CHGA: variants seen among roughly 807,000 people sequenced by gnomAD.
CHGA encodes the protein chromogranin A, also known as chromogranin-A.
CHGA carries 41 observed loss-of-function variants against 54.4 expected under a neutral mutation model. The ratio of observed to expected loss-of-function variants is 0.75; its 90% confidence interval spans 0.59 to 0.98. The LOEUF (loss-of-function observed/expected upper bound fraction) is 0.98. Among genes scored for constraint, CHGA ranks in the 50% least tolerant of loss-of-function variants. The pLI is 0.00. For synonymous variants in CHGA, 249 were observed against 232.8 expected (o/e 1.07, Z -0.63); for missense variants, 576 against 582.3 (o/e 0.99, Z 0.11).
In CHGA at chr14:92,923,272, C is replaced by T. The variant is rs1042317397; in HGVS notation, c.-88C>T. 14 of 1,199,062 alleles carry T rather than the reference C, an allele frequency of 1.2e-5. No homozygotes were observed. Among genetic ancestry groups the T allele is most frequent in the African/African-American group, 1.6e-5 (1 of 62,740 alleles). The allele number at this position is 1,199,062 out of a possible 1,614,324, so 74.3% of individuals were successfully genotyped here. The stretch of plus-strand genomic sequence containing the variant: ...AGCCCCGCGCCGGTGCCACCGCAGC[C>T]CGACCCCGGCCGCCAGTCCAGCCGC... On this transcript the variant is annotated 5_prime_UTR_variant, in exon 1 of 8. Coordinates refer to ENST00000216492, the MANE Select transcript of CHGA (RefSeq NM_001275.4).
chr14:92,927,499 T>C (rs772409061), intron 3 of CHGA, 51 bp from the exon 4 acceptor site: 1 of 1,442,600 alleles, frequency 6.9e-7, no homozygotes, highest in South Asian at 1.2e-5. Flanking sequence ...TGGTAATCTC[T>C]TTCTCGGCTG....
Position 92,934,970 on chromosome 14 carries a change from A to ACC in CHGA, c.*86_*87insCC. On this transcript the variant is annotated 3_prime_UTR_variant, in exon 8 of 8. Coordinates refer to ENST00000216492, the MANE Select transcript of CHGA (RefSeq NM_001275.4). ...GGCAGGTCCTGGCCAGATGGCCCGG[A>ACC]TGCTGCTTCCGGTAGGGAGGCAGCC... The ACC allele has an allele frequency of 8.0e-7, 1 of 1,248,238 alleles. No homozygotes were observed. Among genetic ancestry groups the ACC allele is most frequent in the Non-Finnish European group, 1.1e-6 (1 of 917,266 alleles). 77.3% of individuals were successfully genotyped at this position (1,248,238 alleles called of 1,614,324 possible).
chr14:92,932,552 C>T lies in CHGA; in HGVS notation c.991C>T (p.Arg331Trp), dbSNP rs532226129. The change falls in exon 7 of 8, where the codon CGG (arginine) becomes TGG (tryptophan). Residue 331 changes from arginine (R) to tryptophan (W), a missense_variant. Coordinates refer to ENST00000216492, the MANE Select transcript of CHGA (RefSeq NM_001275.4). This position sits in a 1 kb window ranked among gnomAD's most constrained non-coding sequence, Gnocchi z 5.3. The stretch of plus-strand genomic sequence containing the variant: ...CGGAGAGCTGGAGCAGGAGGAGGAG[C>T]GGCTCTCCAAGGAGTGGGAGGACTC... ...KSGELEQEEE[R>W]LSKEWEDSKR... is the part of the protein sequence containing the mutation. 4.2e-5 allele frequency: 65 copies of T among 1,555,468 alleles called. 1 individual carries two copies. The South Asian group carries it at 5.0e-4, about 12-fold the overall frequency.
chr14:92,927,701 C>G, intron 4 of CHGA, 83 bp downstream of exon 4: 2 of 1,108,528 alleles, frequency 1.8e-6, no homozygotes, highest in Non-Finnish European at 2.7e-6. Context: ...TCAGCAAGTT[C>G]CTCTCTGGGA....
intron 2 of CHGA, among the ~76,000 whole-genome samples, chr14:92,925,433 G>C (rs1183555959): frequency 6.6e-6 from 1 of 152,174 alleles, no homozygotes; most frequent in Admixed American, 6.5e-5. Flanking sequence ...AGACACCCTG[G>C]TCACCATATT....
chr14:92,932,464 GC>G lies in CHGA; in HGVS notation c.904del (p.Gln302ArgfsTer51). 1 of 1,558,094 alleles carries G rather than the reference GC, an allele frequency of 6.4e-7. No homozygotes were observed. Among genetic ancestry groups the G allele is most frequent in the Non-Finnish European group, 8.7e-7 (1 of 1,150,762 alleles). The part of the protein sequence containing the change: ...EGKGEQEHSQ[Q>X]KEEEEEMAVV... ...GGAAGGGAGAACAGGAGCACTCCCAGCAGAAAGAGGAGGAGGAGGAGATGGC... is the reference window on the plus strand; with the variant it reads ...GGAAGGGAGAACAGGAGCACTCCCAGAGAAAGAGGAGGAGGAGGAGATGGC... On this transcript the variant is annotated frameshift_variant, in exon 7 of 8. Transcript: ENST00000216492. LOFTEE classifies it high-confidence loss of function. The surrounding 1 kb of genome is among the most constrained non-coding windows in gnomAD (Gnocchi z 5.3).
intron 2 of CHGA, 95 bp from the exon 3 acceptor site, chr14:92,926,510 A>G: frequency 1.0e-6 from 1 of 981,336 alleles, no homozygotes; most frequent in South Asian, 1.3e-5. Flanking sequence ...AAAAGCAAAT[A>G]CCCTCTGTCC....
At chr14:92,929,965 A>C in intron 5 of CHGA, 150 bp downstream of exon 5, 1 of 667,726 alleles carries the variant, frequency 1.5e-6, no homozygotes, top group South Asian at 1.8e-5. Flanking sequence ...TGCTGCTCAG[A>C]GAGACTAGGT....
rs1191417410 is a variant in CHGA, at chr14:92,931,527, G to A, written c.633G>A (p.Val211=). The change falls in exon 6 of 8, where the codon GTG becomes GTA. Residue 211 remains valine (V), a synonymous_variant. Transcript: ENST00000216492. The stretch of plus-strand genomic sequence containing the variant: ...GTGAGGGCCTCTCTCAGGGTCTGGT[G>A]GACAGAGAGAAGGGCCTGAGTGCAG... The part of the protein sequence containing the change: ...GDSEGLSQGL[V]DREKGLSAEP... 1 of 1,612,864 alleles carries A rather than the reference G, an allele frequency of 6.2e-7. No homozygotes were observed. Among genetic ancestry groups the A allele is most frequent in the Non-Finnish European group, 8.5e-7 (1 of 1,179,770 alleles).
intron 7 of CHGA, chr14:92,933,096 T>C: frequency 2.0e-6 from 1 of 491,978 alleles, no homozygotes; most frequent in Non-Finnish European, 3.4e-6. Flanking sequence ...GGGGAGGCGC[T>C]GAGTGGGGAC....
Position 92,931,641 on chromosome 14 carries a change from C to A in CHGA, c.747C>A (p.Gly249=), listed in dbSNP as rs775876662. The part of the protein sequence containing the change: ...AGEEAVPEEE[G]PTVVLNPHPS... ...AGGAGGCTGTCCCCGAGGAAGAAGG[C>A]CCCACTGTAGTGCTGAACCCCCACC... Residue 249 remains glycine, a synonymous_variant, in exon 6 of 8, where the codon GGC becomes GGA. Coordinates refer to ENST00000216492, the MANE Select transcript of CHGA (RefSeq NM_001275.4). The A allele has an allele frequency of 3.1e-6, 5 of 1,609,964 alleles. No individual in the cohort carries two copies. In the South Asian group the frequency reaches 4.4e-5, roughly 14 times the overall value.
intron 4 of CHGA, among the ~76,000 whole-genome samples, chr14:92,928,335 A>G (rs1270975491): frequency 6.6e-6 from 1 of 152,208 alleles, no homozygotes; most frequent in African/African-American, 2.4e-5. Context: ...AGACCAGGCC[A>G]TGTGTGAGAA....
Position 92,926,640 on chromosome 14 carries a change from A to G in CHGA, c.129A>G (p.Thr43=). ...MKCIVEVISD[T]LSKPSPMPVS... is the part of the protein sequence containing the mutation. ...GCATCGTTGAGGTCATCTCCGACAC[A>G]CTTTCCAAGCCCAGCCCCATGCCTG... is the stretch of plus-strand genomic sequence containing the variant. The change falls in exon 3 of 8, where the codon ACA becomes ACG. Residue 43 remains threonine (T), a synonymous_variant. Transcript: ENST00000216492. The G allele has an allele frequency of 6.2e-7, 1 of 1,613,970 alleles. No individual in the cohort carries two copies. The highest frequency in any genetic ancestry group is 1.1e-5 in the South Asian group (1 of 91,078).
chr14:92,934,776 G>A (rs755193705), intron 7 of CHGA, 25 bp from the exon 8 acceptor site: 34 of 1,555,832 alleles, frequency 2.2e-5, no homozygotes, highest in African/African-American at 1.9e-4. Context: ...AGGCTGGCCC[G>A]AGTGAACCCC....
Position 92,928,467 on chromosome 14 carries a change from C to T in CHGA, c.256+849C>T, listed in dbSNP as rs139369794. ...ATGAGCCAGCCTGGGCAGCAAGCAC[C>T]CACCTCCTACTGTTGTTGGAGGGGG... On this transcript the variant is annotated intron_variant, in intron 4 of 7. Coordinates refer to ENST00000216492, the MANE Select transcript of CHGA (RefSeq NM_001275.4). Among the ~76,000 whole-genome samples, 475 of 152,284 alleles carry T rather than the reference C, an allele frequency of 3.1e-3. 3 individuals carry two copies. Among genetic ancestry groups the T allele is most frequent in the African/African-American group, 0.01 (435 of 41,552 alleles).
intron 4 of CHGA, among the ~76,000 whole-genome samples, chr14:92,928,387 T>G (rs1220516958): frequency 6.6e-6 from 1 of 152,138 alleles, no homozygotes; most frequent in East Asian, 1.9e-4. Context: ...CACAGCCACG[T>G]CAGTAGGATT....
chr14:92,926,416 G>C lies in CHGA; in HGVS notation c.94-189G>C, dbSNP rs1886886854. 4.9e-6 allele frequency: 3 copies of C among 608,212 alleles called. No homozygotes were observed. The South Asian group carries it at 5.7e-5, about 12-fold the overall frequency. 37.7% of individuals were successfully genotyped at this position (608,212 alleles called of 1,614,324 possible). On this transcript the variant is annotated intron_variant, in intron 2 of 7. Coordinates refer to ENST00000216492, the MANE Select transcript of CHGA (RefSeq NM_001275.4). ...GACACATGGTAAGCACTGTGTTAAG[G>C]GTTTTCTATTATCATTGCTATCACT... is the stretch of plus-strand genomic sequence containing the variant.
Position 92,931,428 on chromosome 14 carries a change from G to A in CHGA, c.534G>A (p.Glu178=). The A allele has an allele frequency of 6.2e-7, 1 of 1,609,526 alleles. No individual in the cohort carries two copies. Among genetic ancestry groups the A allele is most frequent in the Non-Finnish European group, 8.5e-7 (1 of 1,178,432 alleles). The change falls in exon 6 of 8, where the codon GAG becomes GAA. Residue 178 remains glutamate (E), a synonymous_variant. Coordinates refer to ENST00000216492, the MANE Select transcript of CHGA (RefSeq NM_001275.4). ...CTGGGGAGGAAGAGGAGGAGGAGGA[G>A]GAGGCCACCAACACCCACCCTCCAG... ...QAPGEEEEEE[E]EATNTHPPAS...
Position 92,932,188 on chromosome 14 carries a change from C to A in CHGA, c.809-182C>A. The A allele has an allele frequency of 2.5e-6, 2 of 787,882 alleles. No individual in the cohort carries two copies. The highest frequency in any genetic ancestry group is 2.0e-5 in the South Asian group (1 of 50,332). 48.8% of individuals were successfully genotyped at this position (787,882 alleles called of 1,614,324 possible). Reference sequence around the variant, plus strand: ...AGGGGAAGAGGCAGGCTCCAGCTAACCCACCCCTCTGAGCCGAGAGGGTCT... The same window carrying A: ...AGGGGAAGAGGCAGGCTCCAGCTAAACCACCCCTCTGAGCCGAGAGGGTCT... On this transcript the variant is annotated intron_variant, in intron 6 of 7. Coordinates refer to ENST00000216492, the MANE Select transcript of CHGA (RefSeq NM_001275.4). The surrounding 1 kb of genome is among the most constrained non-coding windows in gnomAD (Gnocchi z 5.3).
Sources: gnomAD v4.1 joint callset for allele counts (sites outside exome capture counted in the v4.1 genomes callset) on GRCh38, gnomAD v4.1.1 for gene constraint, Gnocchi (gnomAD v3.1) non-coding constraint, MANE v1.5 for transcripts, NCBI Gene and HGNC (gene_info 2026-07-23, HGNC 2026-07-21) for gene names.